The following UBE2F variants were observed in gnomAD, a reference collection of about 807,000 sequenced individuals.
The protein encoded by UBE2F is ubiquitin conjugating enzyme E2 F (putative).
A neutral mutation model predicts 29.6 loss-of-function variants in UBE2F; 5 were observed. That is an observed-to-expected ratio of 0.17 (90% CI 0.09 to 0.36). The LOEUF is 0.36. Ranked by LOEUF, UBE2F falls within the 10% of genes least tolerant of loss-of-function variation. The pLI, the probability that UBE2F is intolerant of heterozygous loss-of-function variation, is 1.00. For synonymous variants in UBE2F, 66 were observed against 81.8 expected, an observed-to-expected ratio of 0.81 and a Z score of 1.04; for missense variants, 141 against 228.5, an observed-to-expected ratio of 0.62 and a Z score of 2.47.
chr2:237,991,609 C>CTTTCTTTCTTTTTTTTCTTT (rs57180067), intron 3 of UBE2F, among the ~76,000 whole-genome samples: 4 of 53,054 alleles, frequency 7.5e-5, no homozygotes, highest in Non-Finnish European at 1.0e-4. Flanking sequence ...TTCTTTCTTT[C>CTTTCTTTCTTTTTTTTCTTT]TTTTTTTTTT....
intron 4 of UBE2F, among the ~76,000 whole-genome samples, chr2:238,013,975 C>T (rs555470425): frequency 7.2e-5 from 11 of 152,302 alleles, no homozygotes; most frequent in African/African-American, 2.6e-4. Flanking sequence ...GTGCTGTGGG[C>T]CACGGTGCAC....
At chr2:238,015,874 G>C (rs1023571093) in intron 4 of UBE2F, among the ~76,000 whole-genome samples, 3 of 152,172 alleles carry the variant, frequency 2.0e-5, no homozygotes, top group African/African-American at 7.2e-5. Context: ...TACCACCTGA[G>C]GAGAGGGACT....
intron 6 of UBE2F, among the ~76,000 whole-genome samples, chr2:238,029,731 G>A (rs1393883161): frequency 6.6e-6 from 1 of 152,226 alleles, no homozygotes; most frequent in Non-Finnish European, 1.5e-5. Flanking sequence ...TTGTTCATGA[G>A]GCGTGTGCCC....
intron 4 of UBE2F, among the ~76,000 whole-genome samples, chr2:237,995,475 C>T (rs898591828): frequency 3.9e-5 from 6 of 152,152 alleles, no homozygotes; most frequent in African/African-American, 1.4e-4. Flanking sequence ...TTATGTTGGA[C>T]AGTGGGTGGC....
At chr2:238,008,952 A>G (rs1007531398) in intron 4 of UBE2F, among the ~76,000 whole-genome samples, 1 of 152,248 alleles carries the variant, frequency 6.6e-6, no homozygotes, top group Non-Finnish European at 1.5e-5. Flanking sequence ...CCTAAAGAAC[A>G]TCCTTGAAGA....
chr2:238,023,323 CA>C (rs2064338002), intron 5 of UBE2F, among the ~76,000 whole-genome samples: 2 of 152,194 alleles, frequency 1.3e-5, no homozygotes, highest in African/African-American at 4.8e-5. Context: ...TAGAAAAGCA[CA>C]ATGTGAAATT....
At chr2:238,022,831 G>T (rs1468513995) in intron 5 of UBE2F, among the ~76,000 whole-genome samples, 1 of 152,152 alleles carries the variant, frequency 6.6e-6, no homozygotes. Flanking sequence ...CTAGCTGTGG[G>T]CCACTGGGGT....
At chr2:238,011,490 C>T (rs72977041) in intron 4 of UBE2F, among the ~76,000 whole-genome samples, 10,920 of 152,230 alleles carry the variant, frequency 0.072, 422 homozygotes, top group African/African-American at 0.11. Flanking sequence ...TTCATAAGGG[C>T]GGGAATTATC....
At chr2:237,989,790 C>T (rs891890353) in intron 3 of UBE2F, among the ~76,000 whole-genome samples, 3 of 152,090 alleles carry the variant, frequency 2.0e-5, no homozygotes, top group Non-Finnish European at 2.9e-5. Context: ...TTCTTCAACT[C>T]GGAAATGAGG....
At chr2:237,994,942 G>T in intron 4 of UBE2F, 133 bp downstream of exon 4, 2 of 682,240 alleles carry the variant, frequency 2.9e-6, no homozygotes, top group Non-Finnish European at 5.1e-6. Context: ...TTCATATGAA[G>T]ATAAGATATA....
intron 6 of UBE2F, chr2:238,029,132 C>G (rs1300638157): frequency 6.6e-6 from 1 of 152,120 alleles, no homozygotes; most frequent in African/African-American, 2.4e-5. Context: ...GACCAGGACT[C>G]TCAGGTACCA....
intron 9 of UBE2F, among the ~76,000 whole-genome samples, chr2:238,037,768 G>C (rs1218364431): frequency 6.6e-6 from 1 of 152,130 alleles, no homozygotes; most frequent in Non-Finnish European, 1.5e-5. Context: ...ACCACACTGG[G>C]CTAATTTTTG....
intron 3 of UBE2F, among the ~76,000 whole-genome samples, chr2:237,994,499 T>C (rs1356091809): frequency 6.6e-6 from 1 of 152,198 alleles, no homozygotes; most frequent in Non-Finnish European, 1.5e-5. Flanking sequence ...AAGGAAAACA[T>C]CTCTATTTGG....
rs1026039 is a variant in UBE2F at position 237,973,296 on chromosome 2, G to T, written c.118+71G>T. ...GAAGTTTGACTGGAGAGTCTTTGGG[G>T]ATATAAAGCAACCTACTGCTGAATA... On this transcript the variant is annotated intron_variant, in intron 2 of 9. Transcript: ENST00000272930. 58 of 1,535,856 alleles carry T rather than the reference G, an allele frequency of 3.8e-5. 2 individuals are homozygous for T. Among genetic ancestry groups the T allele is most frequent in the East Asian group, 2.5e-4 (11 of 43,774 alleles).
In UBE2F at chr2:237,976,073, G is replaced by A. The variant is rs74840904; in HGVS notation, c.118+2848G>A. Among the ~76,000 whole-genome samples the A allele has an allele frequency of 4.7e-3, 718 of 152,396 alleles. 8 individuals carry two copies. The highest frequency in any genetic ancestry group is 0.017 in the African/African-American group (687 of 41,604). On this transcript the variant is annotated intron_variant, in intron 2 of 9. Transcript: ENST00000272930. Reference sequence around the variant, plus strand: ...CTTACCTACTAAGCCTGGGAGAATAGTAGATTGTATTCAGCGTCTGTTGTG... The same window carrying A: ...CTTACCTACTAAGCCTGGGAGAATAATAGATTGTATTCAGCGTCTGTTGTG...
chr2:238,019,013 T>C (rs2064231570), intron 5 of UBE2F, among the ~76,000 whole-genome samples: 2 of 152,320 alleles, frequency 1.3e-5, no homozygotes, highest in South Asian at 4.1e-4. Context: ...GCACAGAGGT[T>C]GAGGTGGAGG....
intron 4 of UBE2F, among the ~76,000 whole-genome samples, chr2:238,009,904 T>C (rs1397324370): frequency 2.6e-5 from 4 of 152,226 alleles, no homozygotes; most frequent in Non-Finnish European, 5.9e-5. Context: ...AGAATATAAA[T>C]ACCACAGATA....
At chr2:238,013,373 C>G (rs1294902069) in intron 4 of UBE2F, among the ~76,000 whole-genome samples, 1 of 152,190 alleles carries the variant, frequency 6.6e-6, no homozygotes, top group Non-Finnish European at 1.5e-5. Context: ...ACAACCCTAC[C>G]TTAATGTGTC....
At chr2:238,021,124 G>A (rs2064282463) in intron 5 of UBE2F, among the ~76,000 whole-genome samples, 1 of 152,206 alleles carries the variant, frequency 6.6e-6, no homozygotes, top group Non-Finnish European at 1.5e-5. Context: ...AAGGATTACA[G>A]CTCTTTGTTC....
Sources: allele counts gnomAD v4.1 joint callset (sites outside exome capture counted in the v4.1 genomes callset), GRCh38; gene constraint gnomAD v4.1.1; transcripts MANE v1.5; gene names NCBI Gene and HGNC (gene_info 2026-07-23, HGNC 2026-07-21).